MACROD2: variants seen among roughly 807,000 people sequenced by gnomAD.
The protein encoded by MACROD2 is mono-ADP ribosylhydrolase 2, also known as ADP-ribose glycohydrolase MACROD2.
A neutral mutation model predicts 70.4 loss-of-function variants in MACROD2; 36 were observed. The ratio of observed to expected loss-of-function variants is 0.51; its 90% confidence interval spans 0.39 to 0.68. The LOEUF (loss-of-function observed/expected upper bound fraction) is 0.68, where lower values mean the gene tolerates loss of function less well. Among genes scored for constraint, MACROD2 ranks in the 30% least tolerant of loss-of-function variants. The pLI is 0.00. For missense variants in MACROD2, 496 were observed against 538.4 expected (o/e 0.92, Z 0.78); for synonymous variants, 172 against 178.8 (o/e 0.96, Z 0.30).
intron 7 of MACROD2, among the ~76,000 whole-genome samples, chr20:15,448,601 T>A (rs2046600564): frequency 6.6e-6 from 1 of 152,140 alleles, no homozygotes. Flanking sequence ...TACATGTTCC[T>A]GTAAAAAAAG....
At chr20:15,618,436 C>A (rs1371599957) in intron 8 of MACROD2, among the ~76,000 whole-genome samples, 1 of 152,096 alleles carries the variant, frequency 6.6e-6, no homozygotes, top group Non-Finnish European at 1.5e-5. Flanking sequence ...CATATTTATC[C>A]CACACCAGCC....
At chr20:14,395,176 T>C (rs548789565) in intron 3 of MACROD2, among the ~76,000 whole-genome samples, 31 of 152,248 alleles carry the variant, frequency 2.0e-4, no homozygotes, top group Admixed American at 1.5e-3. Flanking sequence ...TCTCTTAAAA[T>C]GTCTGGTGGA....
intron 8 of MACROD2, among the ~76,000 whole-genome samples, chr20:15,795,771 C>T (rs1344398362): frequency 6.6e-6 from 1 of 152,172 alleles, no homozygotes; most frequent in Non-Finnish European, 1.5e-5. Flanking sequence ...AGATAAAAGG[C>T]TCACCAATGC....
chr20:15,159,456 A>G (rs7272629), intron 5 of MACROD2, among the ~76,000 whole-genome samples: 5,479 of 152,216 alleles, frequency 0.036, 333 homozygotes, highest in African/African-American at 0.12. Flanking sequence ...ATGTTGATGT[A>G]GAACTAGAGT....
intron 3 of MACROD2, among the ~76,000 whole-genome samples, chr20:14,436,034 G>C (rs142666340): frequency 9.9e-5 from 15 of 152,064 alleles, no homozygotes; most frequent in African/African-American, 2.9e-4. Context: ...TTATAATTAA[G>C]TTTCTAAAAG....
intron 5 of MACROD2, among the ~76,000 whole-genome samples, chr20:14,981,156 C>T (rs897122120): frequency 1.2e-4 from 18 of 151,960 alleles, no homozygotes; most frequent in South Asian, 2.1e-4. Flanking sequence ...CCCATCATCG[C>T]GTTCAAGGTC....
chr20:14,457,303 A>T (rs1471682115), intron 3 of MACROD2, among the ~76,000 whole-genome samples: 1 of 152,092 alleles, frequency 6.6e-6, no homozygotes, highest in East Asian at 1.9e-4. Flanking sequence ...CTTCATCAAC[A>T]CACTGGGATT....
intron 3 of MACROD2, among the ~76,000 whole-genome samples, chr20:14,213,462 C>T (rs1462399097): frequency 1.5e-5 from 2 of 137,862 alleles, no homozygotes; most frequent in African/African-American, 5.4e-5. Context: ...AAGTGGCATA[C>T]AAGATTGAGA....
At chr20:15,376,358 G>T (rs926140974) in intron 6 of MACROD2, among the ~76,000 whole-genome samples, 52 of 152,222 alleles carry the variant, frequency 3.4e-4, no homozygotes, top group Non-Finnish European at 2.9e-5. Flanking sequence ...CTCAGCAGGT[G>T]GTTGGATATC....
chr20:14,455,895 A>G (rs1393218152), intron 3 of MACROD2, among the ~76,000 whole-genome samples: 4 of 151,740 alleles, frequency 2.6e-5, no homozygotes, highest in African/African-American at 4.9e-5. Flanking sequence ...AAATAAATGT[A>G]TTAAAAAAAT....
chr20:14,502,606 G>A (rs2084926924), intron 4 of MACROD2, among the ~76,000 whole-genome samples: 1 of 152,288 alleles, frequency 6.6e-6, no homozygotes, highest in East Asian at 1.9e-4. Context: ...CAAAGTGTTA[G>A]ATAAATGAGT....
At chr20:15,011,762 C>G (rs2075084244) in intron 5 of MACROD2, among the ~76,000 whole-genome samples, 1 of 152,188 alleles carries the variant, frequency 6.6e-6, no homozygotes, top group African/African-American at 2.4e-5. Flanking sequence ...AAGCTAATCA[C>G]TATTTCCTAT....
intron 6 of MACROD2, among the ~76,000 whole-genome samples, chr20:15,382,114 C>T (rs1488276192): frequency 6.6e-6 from 1 of 152,038 alleles, no homozygotes; most frequent in Non-Finnish European, 1.5e-5. Context: ...CTTTGCTGCT[C>T]CATTTCCTCG....
intron 3 of MACROD2, among the ~76,000 whole-genome samples, chr20:14,109,859 A>G (rs2054424185): frequency 6.6e-6 from 1 of 151,862 alleles, no homozygotes; most frequent in Non-Finnish European, 1.5e-5. Flanking sequence ...AACTCTTCTG[A>G]AAGTCATTCT....
At chr20:14,985,421 T>C (rs186885840) in intron 5 of MACROD2, among the ~76,000 whole-genome samples, 1 of 152,300 alleles carries the variant, frequency 6.6e-6, no homozygotes, top group East Asian at 1.9e-4. Flanking sequence ...AGTGGAGTGA[T>C]CATTTGTCTC....
chr20:15,247,846 C>A lies in MACROD2; in HGVS notation c.540+17785C>A, dbSNP rs190138285. Among the ~76,000 whole-genome samples the A allele has an allele frequency of 3.9e-5, 6 of 152,092 alleles. No individual in the cohort carries two copies. In the East Asian group the frequency reaches 1.2e-3, roughly 30 times the overall value. On this transcript the variant is annotated intron_variant, in intron 6 of 17. Transcript: ENST00000684519. ...CCAAGTAGCTGGGATTACAGACAAG[C>A]ACCAGTAGGCCTGGCTAATTTTTGT...
intron 3 of MACROD2, among the ~76,000 whole-genome samples, chr20:14,302,513 T>C (rs910458756): frequency 1.3e-5 from 2 of 152,152 alleles, no homozygotes; most frequent in African/African-American, 2.4e-5. Context: ...AGATTTGATA[T>C]TGACAAAGCC....
At chr20:14,868,282 G>A (rs2073449942) in intron 5 of MACROD2, among the ~76,000 whole-genome samples, 1 of 151,224 alleles carries the variant, frequency 6.6e-6, no homozygotes, top group Non-Finnish European at 1.5e-5. Flanking sequence ...TGAACTCCTT[G>A]GTTCAAGGGA....
intron 3 of MACROD2, among the ~76,000 whole-genome samples, chr20:14,458,087 C>T (rs989994300): frequency 6.7e-6 from 1 of 150,236 alleles, no homozygotes; most frequent in Non-Finnish European, 1.5e-5. Context: ...CATGACAGAA[C>T]AAGACTCCAT....
Sources: allele counts gnomAD v4.1 joint callset (sites outside exome capture counted in the v4.1 genomes callset), GRCh38; gene constraint gnomAD v4.1.1; transcripts MANE v1.5; gene names NCBI Gene and HGNC (gene_info 2026-07-23, HGNC 2026-07-21).